THRB: variants seen among roughly 807,000 people sequenced by gnomAD.
THRB encodes the protein nuclear receptor subfamily 1 group A member 2.
Under a neutral mutation model 47.8 loss-of-function variants are expected in THRB, and 12 were observed. The ratio of observed to expected loss-of-function variants is 0.25; its 90% CI spans 0.16 to 0.41. THRB has a LOEUF of 0.41. THRB is among the 10% of genes least tolerant of loss of function. The pLI is 1.00. For synonymous variants in THRB, 218 were observed against 212.2 expected, an observed-to-expected ratio of 1.03 and a Z score of -0.24; for missense variants, 348 against 589.2, an observed-to-expected ratio of 0.59 and a Z score of 4.24.
At chr3:24,242,430 T>C (rs1039724522) in intron 3 of THRB, among the ~76,000 whole-genome samples, 1 of 152,148 alleles carries the variant, frequency 6.6e-6, no homozygotes, top group African/African-American at 2.4e-5. Context: ...TAATGTTCTA[T>C]TCATCCCTCT....
intron 1 of THRB, among the ~76,000 whole-genome samples, chr3:24,349,503 C>T (rs953182910): frequency 6.6e-6 from 1 of 151,984 alleles, no homozygotes; most frequent in Admixed American, 6.6e-5. Context: ...ACAGGATAGA[C>T]AAATAGATCA....
At chr3:24,400,844 T>TG (rs2067331777) in intron 1 of THRB, among the ~76,000 whole-genome samples, 1 of 152,056 alleles carries the variant, frequency 6.6e-6, no homozygotes, top group African/African-American at 2.4e-5. Context: ...GAACTTTCAC[T>TG]GGGGGACTAA....
chr3:24,125,282 T>C (rs1351115586), intron 10 of THRB, among the ~76,000 whole-genome samples: 2 of 152,166 alleles, frequency 1.3e-5, no homozygotes, highest in Admixed American at 6.5e-5. Context: ...CTCTCTTTGT[T>C]AAAAAAGAAG....
intron 1 of THRB, among the ~76,000 whole-genome samples, chr3:24,428,340 C>A (rs2150358372): frequency 6.6e-6 from 1 of 152,104 alleles, no homozygotes; most frequent in South Asian, 2.1e-4. Flanking sequence ...AGCCATCCTA[C>A]AGAGATTGGC....
intron 3 of THRB, among the ~76,000 whole-genome samples, chr3:24,265,053 T>C (rs1559772128): frequency 6.6e-6 from 1 of 152,200 alleles, no homozygotes; most frequent in Non-Finnish European, 1.5e-5. Context: ...GAACATTAAC[T>C]GAGTGGAGAA....
rs1475123177 is a variant in THRB at position 24,121,026 on chromosome 3, T to C, written c.*1858A>G. On this transcript the variant is annotated 3_prime_UTR_variant, in exon 11 of 11. Transcript: ENST00000646209. ...GACTAGTATTGTGTCAAATTATTATTTCGAGCCAATAACAAATTTACGTTC... is the reference window on the plus strand; with the variant it reads ...GACTAGTATTGTGTCAAATTATTATCTCGAGCCAATAACAAATTTACGTTC... 2.6e-5 allele frequency: 4 copies of C among 152,242 alleles called. No homozygotes were observed. The highest frequency in any genetic ancestry group is 9.6e-5 in the African/African-American group (4 of 41,460). The allele number at this position is 152,242 out of a possible 1,614,324, so 9.4% of individuals were successfully genotyped here. A position where few individuals can be genotyped will look rare whatever the true frequency, so the allele number is the denominator to read the frequency against.
chr3:24,236,055 G>A (rs1050516948), intron 3 of THRB, among the ~76,000 whole-genome samples: 2 of 152,148 alleles, frequency 1.3e-5, no homozygotes, highest in Admixed American at 6.5e-5. Context: ...GTCCCCCTAG[G>A]TGGGCTGCAC....
intron 4 of THRB, among the ~76,000 whole-genome samples, chr3:24,220,895 C>G (rs148805668): frequency 5.3e-5 from 8 of 152,148 alleles, no homozygotes; most frequent in Middle Eastern, 3.4e-3. Flanking sequence ...AAATACTGAA[C>G]AGTCTGCTGT....
intron 3 of THRB, among the ~76,000 whole-genome samples, chr3:24,275,030 G>C (rs544716057): frequency 6.6e-6 from 1 of 152,124 alleles, no homozygotes; most frequent in Non-Finnish European, 1.5e-5. Context: ...AGAAAAATGA[G>C]AAAGAGCAAA....
At chr3:24,321,800 G>C (rs993241925) in intron 2 of THRB, among the ~76,000 whole-genome samples, 4 of 152,050 alleles carry the variant, frequency 2.6e-5, no homozygotes, top group East Asian at 1.9e-4. Flanking sequence ...TACTTGCCTA[G>C]TTCAAATGAG....
chr3:24,339,770 T>C (rs1265684294), intron 1 of THRB, among the ~76,000 whole-genome samples: 1 of 152,038 alleles, frequency 6.6e-6, no homozygotes, highest in East Asian at 1.9e-4. Context: ...GTTCTTCTCT[T>C]TAGGAAACAG....
chr3:24,240,640 T>C (rs2049392729), intron 3 of THRB, among the ~76,000 whole-genome samples: 1 of 152,174 alleles, frequency 6.6e-6, no homozygotes, highest in Non-Finnish European at 1.5e-5. Context: ...GACTTACAGG[T>C]AGCAAGGAGC....
intron 2 of THRB, among the ~76,000 whole-genome samples, chr3:24,320,961 C>T (rs1432619347): frequency 6.6e-6 from 1 of 152,136 alleles, no homozygotes; most frequent in Non-Finnish European, 1.5e-5. Flanking sequence ...TCTTTAAGGC[C>T]TGGAGCAGAG....
intron 5 of THRB, among the ~76,000 whole-genome samples, chr3:24,175,719 A>C (rs1348145850): frequency 6.6e-6 from 1 of 152,214 alleles, no homozygotes; most frequent in African/African-American, 2.4e-5. Flanking sequence ...ATGGCATAAA[A>C]AAATGCAAAA....
At chr3:24,487,845 G>A (rs567624208) in intron 1 of THRB, among the ~76,000 whole-genome samples, 6 of 152,172 alleles carry the variant, frequency 3.9e-5, no homozygotes, top group Non-Finnish European at 8.8e-5. Flanking sequence ...CCAAGCCCAA[G>A]AAACATTATG....
At chr3:24,137,814 A>G (rs544270430) in intron 8 of THRB, among the ~76,000 whole-genome samples, 1 of 152,212 alleles carries the variant, frequency 6.6e-6, no homozygotes, top group African/African-American at 2.4e-5. Context: ...CAAAGGAAAA[A>G]ACAGGCAGGA....
At chr3:24,224,128 G>C (rs78343964) in intron 4 of THRB, among the ~76,000 whole-genome samples, 1 of 152,068 alleles carries the variant, frequency 6.6e-6, no homozygotes, top group African/African-American at 2.4e-5. Flanking sequence ...TTTTAAAGCT[G>C]TTCAGTCCCT....
At chr3:24,250,711 A>G (rs1257923095) in intron 3 of THRB, among the ~76,000 whole-genome samples, 1 of 152,174 alleles carries the variant, frequency 6.6e-6, no homozygotes, top group Admixed American at 6.5e-5. Flanking sequence ...TTAAAAAGAA[A>G]AAGAGAAATA....
chr3:24,476,888 A>G (rs115071016), intron 1 of THRB, among the ~76,000 whole-genome samples: 3,483 of 152,232 alleles, frequency 0.023, 147 homozygotes, highest in African/African-American at 0.078. Context: ...AGGAATCTCA[A>G]CTGAAGAAAA....
Sources: allele counts gnomAD v4.1 joint callset (sites outside exome capture counted in the v4.1 genomes callset), GRCh38; gene constraint gnomAD v4.1.1; transcripts MANE v1.5; gene names NCBI Gene and HGNC (gene_info 2026-07-23, HGNC 2026-07-21).